The following PLXNA4 variants were observed in gnomAD, a reference collection of about 807,000 sequenced individuals.
PLXNA4 encodes the protein plexin-A4.
PLXNA4 carries 44 observed loss-of-function variants against 191.8 expected under a neutral mutation model. That is an observed-to-expected ratio of 0.23 (90% CI 0.18 to 0.29). The LOEUF is 0.29. PLXNA4 is among the 10% of genes least tolerant of loss of function. The pLI is 1.00. For missense variants in PLXNA4, 1,800 were observed against 2,488.8 expected (o/e 0.72, Z 5.89); for synonymous variants, 1,082 against 1,009.5 (o/e 1.07, Z -1.36).
At chr7:132,243,529 A>G (rs929919) in intron 4 of PLXNA4, among the ~76,000 whole-genome samples, 3,805 of 152,282 alleles carry the variant, frequency 0.025, 160 homozygotes, top group African/African-American at 0.086. Flanking sequence ...CTGGTGTTTA[A>G]TAATGTCCAT....
intron 1 of PLXNA4, among the ~76,000 whole-genome samples, chr7:132,529,908 CT>C (rs535284297): frequency 1.8e-4 from 27 of 152,266 alleles, no homozygotes; most frequent in African/African-American, 5.5e-4. Context: ...CCTGGCCCCC[CT>C]AATGGATATT....
chr7:132,574,427 G>A (rs566266467), intron 1 of PLXNA4, among the ~76,000 whole-genome samples: 2 of 152,336 alleles, frequency 1.3e-5, no homozygotes, highest in South Asian at 2.1e-4. Context: ...GCCCTCAAGG[G>A]GCATGTGGGG....
intron 10 of PLXNA4, 140 bp downstream of exon 10, chr7:132,210,803 G>T: frequency 1.1e-6 from 1 of 933,260 alleles, no homozygotes; most frequent in Non-Finnish European, 1.6e-6. Context: ...GTGCCAGCAG[G>T]CATGGGGGAA....
chr7:132,259,482 G>GAAAAAAAAAAAAAA (rs1414792493), intron 4 of PLXNA4, among the ~76,000 whole-genome samples: 12 of 111,324 alleles, frequency 1.1e-4, no homozygotes, highest in Non-Finnish European at 2.0e-4. Context: ...AAGAAAAAAG[G>GAAAAAAAAAAAAAA]AAAAAAGAAA....
intron 2 of PLXNA4, among the ~76,000 whole-genome samples, chr7:132,623,550 T>C (rs141973585): frequency 1.7e-3 from 254 of 152,260 alleles, no homozygotes; most frequent in Non-Finnish European, 2.9e-3. Context: ...GGAGCCAGAC[T>C]ATCCAGCTCC....
chr7:132,383,277 C>T (rs940037867), intron 3 of PLXNA4, among the ~76,000 whole-genome samples: 1 of 152,172 alleles, frequency 6.6e-6, no homozygotes, highest in Non-Finnish European at 1.5e-5. Flanking sequence ...TGGCTGCACA[C>T]ACCAGGATTG....
chr7:132,294,117 T>C (rs1213774130), intron 4 of PLXNA4, among the ~76,000 whole-genome samples: 1 of 152,222 alleles, frequency 6.6e-6, no homozygotes, highest in African/African-American at 2.4e-5. Flanking sequence ...AGAGACTAAG[T>C]GCTATGGATA....
At chr7:132,396,322 T>C (rs769966627) in intron 3 of PLXNA4, among the ~76,000 whole-genome samples, 9 of 152,184 alleles carry the variant, frequency 5.9e-5, no homozygotes, top group Non-Finnish European at 8.8e-5. Flanking sequence ...CCAACACATA[T>C]GTAGCACTCA....
At chr7:132,139,405 C>A (rs1017719783) in intron 30 of PLXNA4, among the ~76,000 whole-genome samples, 1 of 152,198 alleles carries the variant, frequency 6.6e-6, no homozygotes, top group Non-Finnish European at 1.5e-5. Context: ...GTCAAGAACA[C>A]CTTCTGGACT....
intron 30 of PLXNA4, among the ~76,000 whole-genome samples, chr7:132,133,616 C>T (rs999078991): frequency 6.6e-6 from 1 of 152,194 alleles, no homozygotes; most frequent in African/African-American, 2.4e-5. Context: ...GGTTGCTCTT[C>T]TCTGATGTCC....
intron 2 of PLXNA4, among the ~76,000 whole-genome samples, chr7:132,604,135 C>T (rs1378771791): frequency 4.9e-4 from 5 of 10,244 alleles, no homozygotes; most frequent in Admixed American, 1.1e-3. Flanking sequence ...TCCACTACCC[C>T]TCTGTGTTCT....
intron 1 of PLXNA4, among the ~76,000 whole-genome samples, chr7:132,561,384 T>TTG (rs1801045590): frequency 1.0e-4 from 9 of 87,392 alleles, no homozygotes; most frequent in South Asian, 4.6e-4. Context: ...CCTCCTCCTC[T>TTG]TCCTCCTCCT....
intron 1 of PLXNA4, among the ~76,000 whole-genome samples, chr7:132,567,162 C>T (rs775397588): frequency 2.7e-4 from 41 of 152,116 alleles, no homozygotes; most frequent in Admixed American, 5.2e-4. Flanking sequence ...ACCTTTAATT[C>T]GCCCTTATGC....
chr7:132,142,048 G>A (rs1403081247), intron 29 of PLXNA4, among the ~76,000 whole-genome samples: 1 of 152,168 alleles, frequency 6.6e-6, no homozygotes, highest in Non-Finnish European at 1.5e-5. Context: ...TTCTTAGCAG[G>A]GTGAGGCCTG....
chr7:132,333,642 G>A (rs1209118707), intron 3 of PLXNA4, among the ~76,000 whole-genome samples: 1 of 152,206 alleles, frequency 6.6e-6, no homozygotes, highest in Non-Finnish European at 1.5e-5. Flanking sequence ...TTGGAGGGGT[G>A]CTTCTACCAG....
At chr7:132,309,115 C>T (rs567355939) in intron 3 of PLXNA4, among the ~76,000 whole-genome samples, 8 of 152,268 alleles carry the variant, frequency 5.3e-5, no homozygotes, top group East Asian at 3.9e-4. Context: ...GAGAACTTCC[C>T]GTGGCTGCCC....
chr7:132,365,367 G>GCGCA (rs1563058981), intron 3 of PLXNA4, among the ~76,000 whole-genome samples: 2 of 151,800 alleles, frequency 1.3e-5, no homozygotes, highest in African/African-American at 4.8e-5. Context: ...GTGTGCGTGC[G>GCGCA]CGCGCATGCA....
At chr7:132,434,399 G>A (rs146087550) in intron 3 of PLXNA4, among the ~76,000 whole-genome samples, 378 of 152,304 alleles carry the variant, frequency 2.5e-3, no homozygotes, top group African/African-American at 8.7e-3. Flanking sequence ...GGCAAGGAGG[G>A]CAGAGAGGTA....
At chr7:132,435,737 G>C (rs1414402669) in intron 3 of PLXNA4, among the ~76,000 whole-genome samples, 1 of 152,194 alleles carries the variant, frequency 6.6e-6, no homozygotes, top group Admixed American at 6.5e-5. Context: ...GCCAGCGTGA[G>C]TGTGACCATC....
Sources: allele counts gnomAD v4.1 joint callset (sites outside exome capture counted in the v4.1 genomes callset), GRCh38; gene constraint gnomAD v4.1.1; transcripts MANE v1.5; gene names NCBI Gene and HGNC (gene_info 2026-07-23, HGNC 2026-07-21).